The following PPARA variants were observed in gnomAD, a reference collection of about 807,000 sequenced individuals.
The protein encoded by PPARA is peroxisome proliferator-activated receptor alpha.
A neutral mutation model predicts 42.2 loss-of-function variants in PPARA; 22 were observed. That is an observed-to-expected ratio of 0.52 (90% CI 0.37 to 0.74). The LOEUF (loss-of-function observed/expected upper bound fraction) is 0.74. Ranked by LOEUF, PPARA falls within the 30% of genes least tolerant of loss-of-function variation. The probability of loss-of-function intolerance (pLI) is 0.00; values close to 1 mark genes in which losing one functional copy is unlikely to be tolerated. For missense variants in PPARA, 465 were observed against 608.2 expected, an observed-to-expected ratio of 0.76 and a Z score of 2.48; for synonymous variants, 242 against 239.3, an observed-to-expected ratio of 1.01 and a Z score of -0.10.
Position 46,150,593 on chromosome 22 carries a change from C to T in PPARA, c.-269C>T, listed in dbSNP as rs1924228097. 7.0e-6 allele frequency: 1 copy of T among 143,186 alleles called. No individual in the cohort carries two copies. 8.9% of individuals were successfully genotyped at this position (143,186 alleles called of 1,614,324 possible). On this transcript the variant is annotated 5_prime_UTR_variant, in exon 1 of 9. Transcript: ENST00000407236. The surrounding 1 kb of genome is among the most constrained non-coding windows in gnomAD (Gnocchi z 7.5). ...GCGGAGGCGGCCGCTAGCGCCCTGCCCGGCGCCGCCTCCTTCGGCGTTCGC... is the reference window on the plus strand; with the variant it reads ...GCGGAGGCGGCCGCTAGCGCCCTGCTCGGCGCCGCCTCCTTCGGCGTTCGC...
rs1934845569 is a variant in PPARA at position 46,219,773 on chromosome 22, C to A, written c.509-39C>A. ...CCAGCCCTGTCCGCGCAGTCATGAC[C>A]TCACTGCTCATGCCTGTGTTTCCCC... On this transcript the variant is annotated intron_variant, in intron 6 of 8. Transcript: ENST00000407236. This position sits in a 1 kb window ranked among gnomAD's most constrained non-coding sequence, Gnocchi z 4.8. The A allele has an allele frequency of 6.2e-7, 1 of 1,604,432 alleles. No homozygotes were observed.
chr22:46,168,254 A>G (rs1300443559), intron 2 of PPARA, among the ~76,000 whole-genome samples: 1 of 144,830 alleles, frequency 6.9e-6, no homozygotes, highest in Non-Finnish European at 1.5e-5. Flanking sequence ...CGGGAGGCTG[A>G]GGCAGGAGAA....
chr22:46,168,375 AAAAG>A (rs1334503823), intron 2 of PPARA, among the ~76,000 whole-genome samples: 5 of 148,668 alleles, frequency 3.4e-5, no homozygotes, highest in African/African-American at 1.2e-4. Context: ...AAAAAAAAAA[AAAAG>A]AAGAAAGCAT....
At chr22:46,210,116 C>T (rs1339903110) in intron 4 of PPARA, among the ~76,000 whole-genome samples, 1 of 151,942 alleles carries the variant, frequency 6.6e-6, no homozygotes, top group Non-Finnish European at 1.5e-5. Context: ...TCGAGACCAG[C>T]CTGACCAACA....
At chr22:46,154,822 C>T (rs1344393828) in intron 2 of PPARA, among the ~76,000 whole-genome samples, 1 of 150,452 alleles carries the variant, frequency 6.6e-6, no homozygotes, top group Non-Finnish European at 1.5e-5. Context: ...CACAGGCACA[C>T]GCCACCAGGC....
chr22:46,186,703 ACT>A (rs1207451438), intron 3 of PPARA, among the ~76,000 whole-genome samples: 1 of 151,948 alleles, frequency 6.6e-6, no homozygotes, highest in Admixed American at 6.6e-5. Context: ...AGAGAGCGAG[ACT>A]CTGTCTCAAA....
At chr22:46,215,411 A>G in intron 5 of PPARA, 78 bp downstream of exon 5, 1 of 1,575,658 alleles carries the variant, frequency 6.3e-7, no homozygotes, top group Non-Finnish European at 8.7e-7. Context: ...AATGGCAGTC[A>G]TTACTGAGAG....
At chr22:46,226,686 C>T (rs569362180) in intron 7 of PPARA, among the ~76,000 whole-genome samples, 3 of 151,962 alleles carry the variant, frequency 2.0e-5, no homozygotes, top group African/African-American at 4.8e-5. Flanking sequence ...TAAGAAAGGC[C>T]GGCTTGGGCA....
chr22:46,219,377 A>C lies in PPARA; in HGVS notation c.509-435A>C, dbSNP rs1448582771. 1.3e-5 allele frequency among the ~76,000 whole-genome samples: 2 copies of C among 152,210 alleles called. No individual in the cohort carries two copies. The highest frequency in any genetic ancestry group is 2.9e-5 in the Non-Finnish European group (2 of 68,038). On this transcript the variant is annotated intron_variant, in intron 6 of 8. Transcript: ENST00000407236. The surrounding 1 kb of genome is among the most constrained non-coding windows in gnomAD (Gnocchi z 4.8). ...GAATTTCCTTCTAGCCAATCATTTA[A>C]TAGTTTCAGAACATGCTAATTGTGA... is the stretch of plus-strand genomic sequence containing the variant.
rs1459078140 is a variant in PPARA, at chr22:46,239,269, G to C, written c.*3889G>C. 2 of 152,116 alleles carry C rather than the reference G, an allele frequency of 1.3e-5. No homozygotes were observed. Among genetic ancestry groups the C allele is most frequent in the Non-Finnish European group, 2.9e-5 (2 of 68,042 alleles). 9.4% of individuals were successfully genotyped at this position (152,116 alleles called of 1,614,324 possible). A position where few individuals can be genotyped will look rare whatever the true frequency, so the allele number is the denominator to read the frequency against. On this transcript the variant is annotated 3_prime_UTR_variant, in exon 9 of 9. Coordinates refer to ENST00000407236, the MANE Select transcript of PPARA (RefSeq NM_005036.6). The stretch of plus-strand genomic sequence containing the variant: ...GGACAGGGCAGCCTCCCAGAGCCGA[G>C]CAAGAGCTCAAGGTACAAATGAGAG...
intron 2 of PPARA, among the ~76,000 whole-genome samples, chr22:46,166,706 T>A (rs1383080226): frequency 6.6e-6 from 1 of 151,906 alleles, no homozygotes; most frequent in East Asian, 1.9e-4. Context: ...CACTGTAATC[T>A]ACAAAACACT....
At chr22:46,174,573 T>C (rs1239760632) in intron 2 of PPARA, among the ~76,000 whole-genome samples, 1 of 152,060 alleles carries the variant, frequency 6.6e-6, no homozygotes, top group African/African-American at 2.4e-5. Flanking sequence ...TCCCAGCACT[T>C]TGGGAAGCCG....
rs183445171 is a variant in PPARA at position 46,240,382 on chromosome 22, C to T, written c.*5002C>T. ...ACCTCCTGCAGCCTCCCTGTTGTTT[C>T]TAGACTCTTGCACCTGGTGAGTGCA... On this transcript the variant is annotated 3_prime_UTR_variant, in exon 9 of 9. Transcript: ENST00000407236. This position sits in a 1 kb window ranked among gnomAD's most constrained non-coding sequence, Gnocchi z 6.0. 9.8e-5 allele frequency: 39 copies of T among 396,772 alleles called. No homozygotes were observed. In the Admixed American group the frequency reaches 1.4e-3, roughly 14 times the overall value. The allele number at this position is 396,772 out of a possible 1,614,324, so 24.6% of individuals were successfully genotyped here.
In PPARA at chr22:46,231,252, T is replaced by C. The variant is rs1935847100; in HGVS notation, c.712-540T>C. The stretch of plus-strand genomic sequence containing the variant: ...TTTTTTTTTTGAGACGGAGTCTCGC[T>C]CTGTCACCCAGGCTGGAGTGCAGTG... On this transcript the variant is annotated intron_variant, in intron 7 of 8. Transcript: ENST00000407236. The surrounding 1 kb of genome is among the most constrained non-coding windows in gnomAD (Gnocchi z 7.7). Among the ~76,000 whole-genome samples, 2 of 150,264 alleles carry C rather than the reference T, an allele frequency of 1.3e-5. No individual in the cohort carries two copies. Among genetic ancestry groups the C allele is most frequent in the South Asian group, 4.2e-4 (2 of 4,730 alleles).
At chr22:46,185,964 T>TATATATAC (rs1207976543) in intron 3 of PPARA, among the ~76,000 whole-genome samples, 1 of 25,928 alleles carries the variant, frequency 3.9e-5, no homozygotes, top group African/African-American at 1.1e-4. Flanking sequence ...TATATATATA[T>TATATATAC]ACACACACAC....
chr22:46,208,291 C>G (rs758467044), intron 4 of PPARA, among the ~76,000 whole-genome samples: 5 of 151,944 alleles, frequency 3.3e-5, no homozygotes, highest in Non-Finnish European at 7.4e-5. Context: ...AGGCCAGGCC[C>G]AATCCCAGCA....
In PPARA at chr22:46,236,760, A is replaced by G. The variant is rs547513165; in HGVS notation, c.*1380A>G. The G allele has an allele frequency of 6.5e-6, 1 of 152,672 alleles. No individual in the cohort carries two copies. The highest frequency in any genetic ancestry group is 2.1e-4 in the South Asian group (1 of 4,832). The allele number at this position is 152,672 out of a possible 1,614,324, so 9.5% of individuals were successfully genotyped here. ...CACCCTGCGGATCGAGAGAGGGGGTAGAGTCTTCTTCAAATGGCAGTTTTA... is the reference window on the plus strand; with the variant it reads ...CACCCTGCGGATCGAGAGAGGGGGTGGAGTCTTCTTCAAATGGCAGTTTTA... On this transcript the variant is annotated 3_prime_UTR_variant, in exon 9 of 9. Transcript: ENST00000407236. The surrounding 1 kb of genome is among the most constrained non-coding windows in gnomAD (Gnocchi z 5.2).
intron 3 of PPARA, among the ~76,000 whole-genome samples, chr22:46,186,410 G>C (rs988977235): frequency 1.8e-4 from 27 of 152,136 alleles, no homozygotes; most frequent in African/African-American, 6.5e-4. Context: ...AGATGTTATA[G>C]TTTGGGAAGA....
intron 4 of PPARA, among the ~76,000 whole-genome samples, chr22:46,207,277 ATTT>A (rs76116601): frequency 0.013 from 1,611 of 119,572 alleles, 33 homozygotes; most frequent in African/African-American, 0.05. Flanking sequence ...TACATTGGCA[ATTT>A]TTTTTTTTTT....
Sources: gnomAD v4.1 joint callset for allele counts (sites outside exome capture counted in the v4.1 genomes callset) on GRCh38, gnomAD v4.1.1 for gene constraint, Gnocchi (gnomAD v3.1) non-coding constraint, MANE v1.5 for transcripts, NCBI Gene and HGNC (gene_info 2026-07-23, HGNC 2026-07-21) for gene names.